The following LMX1A variants were observed in gnomAD, a reference collection of about 807,000 sequenced individuals.
LMX1A encodes LIM homeobox transcription factor 1 alpha, also known as LIM homeobox transcription factor 1-alpha.
LMX1A carries 15 observed loss-of-function variants against 49.1 expected under a neutral mutation model. That is an observed-to-expected ratio of 0.31 (90% CI 0.20 to 0.47). The LOEUF is 0.47. LMX1A is among the 20% of genes least tolerant of loss of function. The pLI, the probability that LMX1A is intolerant of heterozygous loss-of-function variation, is 1.00. For missense variants in LMX1A, 372 were observed against 475.8 expected, an observed-to-expected ratio of 0.78 and a Z score of 2.03; for synonymous variants, 167 against 185.7, an observed-to-expected ratio of 0.90 and a Z score of 0.82.
chr1:165,293,001 C>T (rs1654520332), intron 3 of LMX1A, among the ~76,000 whole-genome samples: 1 of 151,948 alleles, frequency 6.6e-6, no homozygotes, highest in Non-Finnish European at 1.5e-5. Flanking sequence ...CCTGTAATCC[C>T]AGCTACTCAG....
intron 3 of LMX1A, among the ~76,000 whole-genome samples, chr1:165,267,471 G>A (rs1163023157): frequency 2.0e-5 from 3 of 152,112 alleles, no homozygotes; most frequent in Non-Finnish European, 2.9e-5. Context: ...GTCATGAATA[G>A]TGCTGCTATG....
intron 3 of LMX1A, among the ~76,000 whole-genome samples, chr1:165,323,022 A>C (rs1232148606): frequency 6.6e-6 from 1 of 152,060 alleles, no homozygotes; most frequent in Non-Finnish European, 1.5e-5. Flanking sequence ...TATTTTCTTC[A>C]CCTGGAATAC....
intron 3 of LMX1A, among the ~76,000 whole-genome samples, chr1:165,318,861 C>T (rs947121127): frequency 6.6e-6 from 1 of 152,078 alleles, no homozygotes; most frequent in Admixed American, 6.6e-5. Context: ...GCCACCATAC[C>T]ATCTCTGTAC....
chr1:165,230,887 A>G (rs1317494199), intron 4 of LMX1A, among the ~76,000 whole-genome samples: 1 of 152,126 alleles, frequency 6.6e-6, no homozygotes, highest in Non-Finnish European at 1.5e-5. Flanking sequence ...AGCAGTTCCA[A>G]TTCAGGGTCC....
intron 4 of LMX1A, among the ~76,000 whole-genome samples, chr1:165,231,796 T>C (rs1266359436): frequency 6.6e-6 from 1 of 152,082 alleles, no homozygotes; most frequent in East Asian, 1.9e-4. Context: ...AAAAAAAATC[T>C]AAATTCTAAA....
At chr1:165,338,903 C>G (rs2101760178) in intron 3 of LMX1A, among the ~76,000 whole-genome samples, 1 of 152,292 alleles carries the variant, frequency 6.6e-6, no homozygotes, top group South Asian at 2.1e-4. Flanking sequence ...TATGACAGCC[C>G]TAGACCTAGG....
intron 3 of LMX1A, among the ~76,000 whole-genome samples, chr1:165,298,380 G>A (rs1309037910): frequency 6.6e-6 from 1 of 152,146 alleles, no homozygotes; most frequent in African/African-American, 2.4e-5. Context: ...GGCTGAGGCA[G>A]CCATCAGGGA....
chr1:165,269,255 C>T (rs1482548709), intron 3 of LMX1A, among the ~76,000 whole-genome samples: 1 of 152,224 alleles, frequency 6.6e-6, no homozygotes, highest in Non-Finnish European at 1.5e-5. Context: ...AATCAGCTTC[C>T]CTAAGGTTTG....
At chr1:165,266,035 T>C (rs1421292783) in intron 3 of LMX1A, among the ~76,000 whole-genome samples, 1 of 152,344 alleles carries the variant, frequency 6.6e-6, no homozygotes, top group East Asian at 1.9e-4. Flanking sequence ...TGGGTGCCTA[T>C]GATTCTAGCT....
At chr1:165,243,157 T>C (rs1474012194) in intron 4 of LMX1A, among the ~76,000 whole-genome samples, 1 of 152,210 alleles carries the variant, frequency 6.6e-6, no homozygotes, top group Non-Finnish European at 1.5e-5. Flanking sequence ...GAAGGGTATA[T>C]GGAAACTTCT....
intron 3 of LMX1A, among the ~76,000 whole-genome samples, chr1:165,326,817 G>A (rs1212901177): frequency 6.6e-6 from 1 of 152,164 alleles, no homozygotes; most frequent in Non-Finnish European, 1.5e-5. Flanking sequence ...TCCCCAACTA[G>A]GAGAGATTCT....
intron 3 of LMX1A, among the ~76,000 whole-genome samples, chr1:165,262,968 C>A (rs1034056824): frequency 5.9e-5 from 9 of 152,182 alleles, no homozygotes; most frequent in Non-Finnish European, 1.5e-5. Context: ...CCTCATTGTA[C>A]TAAGCCCATC....
chr1:165,335,293 C>A (rs1319250203), intron 3 of LMX1A, among the ~76,000 whole-genome samples: 3 of 151,994 alleles, frequency 2.0e-5, no homozygotes, highest in Non-Finnish European at 4.4e-5. Context: ...AGACTTTGAA[C>A]TTTTATAAAA....
chr1:165,355,145 G>A lies in LMX1A; in HGVS notation c.76+339C>T, dbSNP rs564326255. Among the ~76,000 whole-genome samples, 71 of 152,272 alleles carry A rather than the reference G, an allele frequency of 4.7e-4. No homozygotes were observed. Among genetic ancestry groups the A allele is most frequent in the Non-Finnish European group, 9.7e-4 (66 of 68,028 alleles). ...TATTGCCTCTAGGCCGCGAGAAGAG[G>A]GCGGCATTTATGAGACGTCGATCAG... On this transcript the variant is annotated intron_variant, in intron 2 of 8. Coordinates refer to ENST00000342310, the MANE Select transcript of LMX1A (RefSeq NM_177398.4). The surrounding 1 kb of genome is among the most constrained non-coding windows in gnomAD (Gnocchi z 4.7).
At chr1:165,235,592 G>C (rs984504308) in intron 4 of LMX1A, among the ~76,000 whole-genome samples, 8 of 152,176 alleles carry the variant, frequency 5.3e-5, no homozygotes, top group Admixed American at 3.9e-4. Flanking sequence ...CCCTAATCCC[G>C]GGCCCGCCTG....
chr1:165,346,551 G>A (rs762060462), intron 3 of LMX1A, among the ~76,000 whole-genome samples: 14 of 151,430 alleles, frequency 9.2e-5, no homozygotes, highest in African/African-American at 2.7e-4. Context: ...GAACAGCACC[G>A]AGGTAGGCTT....
At position 165,203,983 on chromosome 1, in the gene LMX1A, C is replaced by A. The variant is rs745553351; in HGVS notation, c.1046G>T (p.Gly349Val). ...TTCTGAGGTTGCTAGGAAACAATCACCCAGGTTACTGAGGGAGGTGTCGTC... is the reference window on the plus strand; with the variant it reads ...TTCTGAGGTTGCTAGGAAACAATCAACCAGGTTACTGAGGGAGGTGTCGTC... ...DSDDTSLSNL[G>V]DCFLATSEAG... The change falls in exon 9 of 9, where the codon GGT (glycine) becomes GTT (valine). Residue 349 changes from glycine to valine, a missense_variant. By Grantham distance (109) the Gly-to-Val change is moderately radical. This residue lies in a region of LMX1A where 127 missense variants were observed against 138.0 expected (regional missense o/e 0.92). Transcript: ENST00000342310. 2 of 1,614,058 alleles carry A rather than the reference C, an allele frequency of 1.2e-6. No homozygotes were observed. The highest frequency in any genetic ancestry group is 2.2e-5 in the South Asian group (2 of 91,064).
chr1:165,309,844 T>C (rs941533378), intron 3 of LMX1A, among the ~76,000 whole-genome samples: 5 of 152,178 alleles, frequency 3.3e-5, no homozygotes, highest in Non-Finnish European at 5.9e-5. Context: ...AGAGAGAGGA[T>C]GTATTCCATC....
At position 165,203,672 on chromosome 1, in the gene LMX1A, C is replaced by T; in HGVS notation, c.*208G>A. ...CGTCTTCATATCTAATGCTAAGACT[C>T]TTATTAGAAACATTAAACTATGCAA... On this transcript the variant is annotated 3_prime_UTR_variant, in exon 9 of 9. Coordinates refer to ENST00000342310, the MANE Select transcript of LMX1A (RefSeq NM_177398.4). 2.2e-6 allele frequency: 1 copy of T among 454,530 alleles called. No individual in the cohort carries two copies. The highest frequency in any genetic ancestry group is 4.0e-6 in the Non-Finnish European group (1 of 252,318). The allele number at this position is 454,530 out of a possible 1,614,324, so 28.2% of individuals were successfully genotyped here.
Sources: gnomAD v4.1 joint callset for allele counts (sites outside exome capture counted in the v4.1 genomes callset) on GRCh38, gnomAD v4.1.1 for gene constraint, gnomAD v4.1.1 regional missense constraint, Gnocchi (gnomAD v3.1) non-coding constraint, MANE v1.5 for transcripts, NCBI Gene and HGNC (gene_info 2026-07-23, HGNC 2026-07-21) for gene names.